Variants in ARHGEF9 observed in about 807,000 individuals in gnomAD.
ARHGEF9 encodes Cdc42 guanine nucleotide exchange factor 9.
Under a neutral mutation model 41.3 loss-of-function variants are expected in ARHGEF9, and 2 were observed. The observed-to-expected ratio is 0.05, with a 90% CI of 0.02 to 0.15. The LOEUF (loss-of-function observed/expected upper bound fraction) is 0.15. Among genes scored for constraint, ARHGEF9 ranks in the 10% least tolerant of loss-of-function variants. The pLI is 1.00. For synonymous variants in ARHGEF9, 160 were observed against 154.4 expected, an observed-to-expected ratio of 1.04 and a Z score of -0.27; for missense variants, 225 against 424.7, an observed-to-expected ratio of 0.53 and a Z score of 4.13.
intron 4 of ARHGEF9, among the ~76,000 whole-genome samples, chrX:63,684,466 A>T (rs1274765268): frequency 1.8e-5 from 2 of 111,396 alleles, no homozygotes; most frequent in Non-Finnish European, 3.8e-5. Context: ...AATACCTTTA[A>T]GATGTTCCCA....
chrX:63,710,963 G>A (rs1438057570), intron 2 of ARHGEF9, among the ~76,000 whole-genome samples: 1 of 111,150 alleles, frequency 9.0e-6, no homozygotes, highest in Admixed American at 9.5e-5. Context: ...CTTTTATAAT[G>A]AATAAATAAG....
intron 2 of ARHGEF9, among the ~76,000 whole-genome samples, chrX:63,712,344 C>T (rs1483639584): frequency 8.9e-6 from 1 of 112,025 alleles, no homozygotes; most frequent in African/African-American, 3.2e-5. Context: ...TAGCATTATA[C>T]ATAACAACCA....
Position 63,635,412 on chromosome X carries a change from A to T in ARHGEF9, c.*2616T>A. On this transcript the variant is annotated 3_prime_UTR_variant, in exon 10 of 10. Transcript: ENST00000671741. The stretch of plus-strand genomic sequence containing the variant: ...CACTGAGTTGAGGAAAAGGGAGCTC[A>T]GGGCCATGCGGAAATTACAACATTA... 1 of 521,098 alleles carries T rather than the reference A, an allele frequency of 1.9e-6. No homozygotes were observed. The highest frequency in any genetic ancestry group is 3.5e-6 in the Non-Finnish European group (1 of 285,781). 42.9% of individuals were successfully genotyped at this position (521,098 alleles called of 1,213,427 possible). A position where few individuals can be genotyped will look rare whatever the true frequency, so the allele number is the denominator to read the frequency against.
chrX:63,714,530 G>A (rs2053167253), intron 2 of ARHGEF9, among the ~76,000 whole-genome samples: 1 of 111,907 alleles, frequency 8.9e-6, no homozygotes, highest in Non-Finnish European at 1.9e-5. Flanking sequence ...GGTAAAGGGT[G>A]AAGACTCGGG....
chrX:63,671,233 G>C lies in ARHGEF9; in HGVS notation c.945+2805C>G, dbSNP rs190980199. ...CACAGCAGTCCTCGGCAATCTGGCA[G>C]AATGTCTCTCCTTGCCTAGACAACT... is the stretch of plus-strand genomic sequence containing the variant. On this transcript the variant is annotated intron_variant, in intron 6 of 9. Coordinates refer to ENST00000671741, the MANE Select transcript of ARHGEF9 (RefSeq NM_001353921.2). The C allele has an allele frequency of 4.3e-4, 48 of 112,116 alleles. 1 individual carries two copies. The Admixed American group carries it at 4.5e-3, about 11-fold the overall frequency. The allele number at this position is 112,116 out of a possible 1,213,427, so 9.2% of individuals were successfully genotyped here.
At chrX:63,684,187 A>C (rs1318912855) in intron 4 of ARHGEF9, among the ~76,000 whole-genome samples, 1 of 111,129 alleles carries the variant, frequency 9.0e-6, no homozygotes, top group Non-Finnish European at 1.9e-5. Flanking sequence ...TAAACAAATA[A>C]ACTAATTAAG....
At chrX:63,760,846 C>T (rs782802966) in intron 1 of ARHGEF9, among the ~76,000 whole-genome samples, 12 of 111,557 alleles carry the variant, frequency 1.1e-4, no homozygotes, top group Non-Finnish European at 2.3e-4. Flanking sequence ...GTAACTATAC[C>T]TGAGAGTGTT....
intron 4 of ARHGEF9, among the ~76,000 whole-genome samples, chrX:63,681,901 T>C (rs1452673831): frequency 9.0e-6 from 1 of 110,614 alleles, no homozygotes; most frequent in Non-Finnish European, 1.9e-5. Context: ...TTATGAACAA[T>C]TATATGACAA....
At chrX:63,755,016 T>G in intron 1 of ARHGEF9, 1 of 938,597 alleles carries the variant, frequency 1.1e-6, no homozygotes, top group Non-Finnish European at 1.3e-6. Flanking sequence ...CTACTCCCTT[T>G]ACTTCGCTCG....
chrX:63,705,271 T>C (rs1219816875), intron 3 of ARHGEF9, among the ~76,000 whole-genome samples: 3 of 109,201 alleles, frequency 2.7e-5, no homozygotes, highest in East Asian at 2.9e-4. Context: ...GGACAGAAAA[T>C]AGAACCTAAC....
intron 1 of ARHGEF9, 184 bp from the exon 2 acceptor site, chrX:63,724,895 C>G (rs1385666065): frequency 1.5e-5 from 7 of 463,842 alleles, no homozygotes; most frequent in Non-Finnish European, 2.6e-5. Flanking sequence ...ACTGTCAACT[C>G]TCTGTTAGCC....
intron 1 of ARHGEF9, among the ~76,000 whole-genome samples, chrX:63,779,704 T>C (rs2056351252): frequency 8.9e-6 from 1 of 111,874 alleles, no homozygotes; most frequent in African/African-American, 3.3e-5. Flanking sequence ...ACAAGATTGA[T>C]AGCAGCATTT....
rs1556296131 is a variant in ARHGEF9 at position 63,635,408 on chromosome X, G to C, written c.*2620C>G. 5.8e-6 allele frequency: 3 copies of C among 520,149 alleles called. No homozygotes were observed. The highest frequency in any genetic ancestry group is 1.1e-5 in the Non-Finnish European group (3 of 285,574). 42.9% of individuals were successfully genotyped at this position (520,149 alleles called of 1,213,427 possible). ...GCCTCACTGAGTTGAGGAAAAGGGA[G>C]CTCAGGGCCATGCGGAAATTACAAC... On this transcript the variant is annotated 3_prime_UTR_variant, in exon 10 of 10. Transcript: ENST00000671741.
intron 1 of ARHGEF9, among the ~76,000 whole-genome samples, chrX:63,774,047 AT>A (rs1960322734): frequency 4.0e-5 from 1 of 25,216 alleles, no homozygotes; most frequent in African/African-American, 2.6e-4. Context: ...CCATTATAAT[AT>A]CTATCTATCT....
At chrX:63,677,655 G>A (rs1330114372) in intron 5 of ARHGEF9, among the ~76,000 whole-genome samples, 3 of 111,253 alleles carry the variant, frequency 2.7e-5, no homozygotes, top group African/African-American at 6.5e-5. Flanking sequence ...ACTCTGGAGC[G>A]CAAGGGGTGA....
At chrX:63,778,151 T>C (rs1184707732) in intron 1 of ARHGEF9, among the ~76,000 whole-genome samples, 4 of 112,589 alleles carry the variant, frequency 3.6e-5, no homozygotes, top group Non-Finnish European at 7.5e-5. Context: ...CCATACATCC[T>C]CTGAAATCTA....
chrX:63,675,085 T>C (rs1309481659), intron 5 of ARHGEF9, among the ~76,000 whole-genome samples: 3 of 111,561 alleles, frequency 2.7e-5, no homozygotes, highest in African/African-American at 6.5e-5. Flanking sequence ...ACAAGGTCAA[T>C]ACCCTAGGTA....
chrX:63,685,904 A>G (rs1295630431), intron 4 of ARHGEF9, among the ~76,000 whole-genome samples: 1 of 112,110 alleles, frequency 8.9e-6, no homozygotes, highest in African/African-American at 3.2e-5. Context: ...AGTAGGAAAC[A>G]AAAAGTATGA....
At chrX:63,706,225 TG>T (rs1556401588) in intron 3 of ARHGEF9, 32 bp downstream of exon 3, 5 of 1,174,297 alleles carry the variant, frequency 4.3e-6, no homozygotes, top group Non-Finnish European at 4.6e-6. Flanking sequence ...TGGTTCTTCG[TG>T]GAAGTGCCTC....
Sources: gnomAD v4.1 joint callset for allele counts (sites outside exome capture counted in the v4.1 genomes callset) on GRCh38, gnomAD v4.1.1 for gene constraint, MANE v1.5 for transcripts, NCBI Gene and HGNC (gene_info 2026-07-23, HGNC 2026-07-21) for gene names.